ASPRV1: variants seen among roughly 807,000 people sequenced by gnomAD.
ASPRV1 encodes retroviral-like aspartic protease 1.
A neutral mutation model predicts 11.0 loss-of-function variants in ASPRV1; 7 were observed. The observed-to-expected ratio is 0.64, with a 90% CI of 0.36 to 1.20. The LOEUF is 1.20. Ranked by LOEUF, ASPRV1 falls within the 50% of genes most tolerant of loss-of-function variation. The pLI, the probability that ASPRV1 is intolerant of heterozygous loss-of-function variation, is 0.02. For missense variants in ASPRV1, 299 were observed against 320.0 expected (o/e 0.93, Z 0.50); for synonymous variants, 136 against 138.4 (o/e 0.98, Z 0.12).
chr2:70,049,262 C>T, the ASPRV1 span: 3 of 141,136 alleles, frequency 2.1e-5, no homozygotes, highest in African/African-American at 5.3e-5. Flanking sequence ...CTATTCAATT[C>T]GGTACAGAGC....
At chr2:69,961,681 C>A, upstream of ASPRV1, 4 of 1,537,278 alleles carry the variant, frequency 2.6e-6, no homozygotes, top group African/African-American at 1.4e-5. Flanking sequence ...GGCCCCTGGG[C>A]TCCCCATTCT....
chr2:69,997,214 G>C, the ASPRV1 span, among the ~76,000 whole-genome samples: 10 of 150,112 alleles, frequency 6.7e-5, no homozygotes, highest in Admixed American at 6.6e-4. Flanking sequence ...AATGGACGCA[G>C]GCCTTTGCAG....
chr2:69,984,699 C>T, the ASPRV1 span, among the ~76,000 whole-genome samples: 1 of 140,058 alleles, frequency 7.1e-6, no homozygotes, highest in Non-Finnish European at 1.5e-5. Context: ...CGGCTCCCTG[C>T]AACCTCTATC....
chr2:69,943,156 T>C, the ASPRV1 span, among the ~76,000 whole-genome samples: 1 of 152,182 alleles, frequency 6.6e-6, no homozygotes, highest in Non-Finnish European at 1.5e-5. Context: ...TCCCACCCTC[T>C]CCACTGCCCC....
the ASPRV1 span, among the ~76,000 whole-genome samples, chr2:70,058,842 G>A: frequency 1.4e-4 from 20 of 145,320 alleles, no homozygotes; most frequent in Admixed American, 1.1e-3. Context: ...CAGAAATTAC[G>A]CACCTGGCCA....
chr2:69,943,713 TAAG>T, the ASPRV1 span, among the ~76,000 whole-genome samples: 2 of 152,180 alleles, frequency 1.3e-5, no homozygotes, highest in Non-Finnish European at 2.9e-5. Context: ...AGGACACATC[TAAG>T]AACAGCACAC....
At chr2:70,081,557 G>T in the ASPRV1 span, 3 of 151,928 alleles carry the variant, frequency 2.0e-5, no homozygotes, top group African/African-American at 7.3e-5. Flanking sequence ...AAGTAACAGG[G>T]GAAAGGCTCT....
the ASPRV1 span, among the ~76,000 whole-genome samples, chr2:70,011,447 T>C: frequency 6.6e-6 from 1 of 151,266 alleles, no homozygotes; most frequent in Non-Finnish European, 1.5e-5. Flanking sequence ...CAGGGAGAGA[T>C]TGGGAAAATG....
the ASPRV1 span, among the ~76,000 whole-genome samples, chr2:70,035,907 C>A: frequency 6.6e-6 from 1 of 151,768 alleles, no homozygotes; most frequent in African/African-American, 2.4e-5. Flanking sequence ...GCCCTTCTAT[C>A]ACTGGTCTAA....
chr2:70,012,697 C>T, the ASPRV1 span, among the ~76,000 whole-genome samples: 1 of 152,116 alleles, frequency 6.6e-6, no homozygotes, highest in East Asian at 1.9e-4. Context: ...TTTATTAAAA[C>T]TTATCCCTTG....
At chr2:70,014,796 CAAAAAAAAAA>C in the ASPRV1 span, among the ~76,000 whole-genome samples, 2 of 74,024 alleles carry the variant, frequency 2.7e-5, no homozygotes, top group African/African-American at 4.6e-5. Flanking sequence ...GACCTTGTCT[CAAAAAAAAAA>C]AAAAAAAAAA....
At chr2:69,935,542 GTCC>G in the ASPRV1 span, 2 of 994,444 alleles carry the variant, frequency 2.0e-6, no homozygotes, top group Non-Finnish European at 3.2e-6. Flanking sequence ...CTCCAGGACA[GTCC>G]TCTCCCCTGA....
At chr2:70,080,710 T>G in the ASPRV1 span, among the ~76,000 whole-genome samples, 1 of 152,192 alleles carries the variant, frequency 6.6e-6, no homozygotes, top group Non-Finnish European at 1.5e-5. Context: ...GCAAGTATAG[T>G]CAAATCTCAA....
chr2:70,066,507 T>C, the ASPRV1 span, among the ~76,000 whole-genome samples: 1 of 152,120 alleles, frequency 6.6e-6, no homozygotes, highest in Non-Finnish European at 1.5e-5. Flanking sequence ...CCTCCTAAAG[T>C]GCTGGGATTA....
the ASPRV1 span, among the ~76,000 whole-genome samples, chr2:70,061,025 T>C: frequency 1.3e-5 from 2 of 151,960 alleles, no homozygotes; most frequent in Middle Eastern, 3.2e-3. Context: ...TGTAAACAAA[T>C]GGGGTGCTAA....
chr2:70,066,869 C>T, the ASPRV1 span, among the ~76,000 whole-genome samples: 1 of 152,018 alleles, frequency 6.6e-6, no homozygotes, highest in African/African-American at 2.4e-5. Context: ...GGATTACAGG[C>T]ATGAGCCACC....
the ASPRV1 span, among the ~76,000 whole-genome samples, chr2:70,072,244 A>G: frequency 2.0e-5 from 3 of 150,084 alleles, no homozygotes; most frequent in Admixed American, 2.0e-4. Context: ...GAGCCACTGC[A>G]CCCAGCCTCT....
chr2:69,967,642 CA>C, the ASPRV1 span, among the ~76,000 whole-genome samples: 1 of 152,312 alleles, frequency 6.6e-6, no homozygotes, highest in East Asian at 1.9e-4. Context: ...GACACCAAAA[CA>C]ATGACAGTGG....
chr2:69,968,927 A>C, the ASPRV1 span, among the ~76,000 whole-genome samples: 1 of 151,760 alleles, frequency 6.6e-6, no homozygotes, highest in Non-Finnish European at 1.5e-5. Flanking sequence ...TGTCATGTAC[A>C]CTCTTTTCCT....
Sources: gnomAD v4.1 joint callset for allele counts (sites outside exome capture counted in the v4.1 genomes callset) on GRCh38, gnomAD v4.1.1 for gene constraint, MANE v1.5 for transcripts, NCBI Gene and HGNC (gene_info 2026-07-23, HGNC 2026-07-21) for gene names.